LOXHD1: variants seen among roughly 807,000 people sequenced by gnomAD.
The protein encoded by LOXHD1 is lipoxygenase homology domain-containing protein 1.
Under a neutral mutation model 248.2 loss-of-function variants are expected in LOXHD1, and 205 were observed. The observed-to-expected ratio is 0.83, with a 90% CI of 0.74 to 0.93. The LOEUF (loss-of-function observed/expected upper bound fraction) is 0.93, where lower values mean the gene tolerates loss of function less well. LOXHD1 is among the 40% of genes least tolerant of loss of function. The pLI, the probability that LOXHD1 is intolerant of heterozygous loss-of-function variation, is 0.00. For synonymous variants in LOXHD1, 1,113 were observed against 1,162.8 expected (o/e 0.96, Z 0.87); for missense variants, 2,930 against 2,971.6 (o/e 0.99, Z 0.33).
In LOXHD1 at chr18:46,509,676, AGT is replaced by A; in HGVS notation, c.5517+20_5517+21del. ...GGGGTGGGTGGTGGCTGGAAGGAAG[AGT>A]GAGGGTCTAGACATTTTACCCTCTC... On this transcript the variant is annotated intron_variant, in intron 35 of 40. Coordinates refer to ENST00000642948, the MANE Select transcript of LOXHD1 (RefSeq NM_001384474.1). 1 of 1,505,092 alleles carries A rather than the reference AGT, an allele frequency of 6.6e-7. No individual in the cohort carries two copies. The highest frequency in any genetic ancestry group is 9.1e-7 in the Non-Finnish European group (1 of 1,104,588). The allele number at this position is 1,505,092 out of a possible 1,614,324, so 93.2% of individuals were successfully genotyped here. A position where few individuals can be genotyped will look rare whatever the true frequency, so the allele number is the denominator to read the frequency against.
At chr18:46,529,470 C>A in intron 28 of LOXHD1, 139 bp from the exon 29 acceptor site, 1 of 932,374 alleles carries the variant, frequency 1.1e-6, no homozygotes, top group Non-Finnish European at 1.5e-6. Context: ...CTTTTGTTTG[C>A]TCAATTATGC....
In LOXHD1 at chr18:46,560,418, G is replaced by A. The variant is rs974335083; in HGVS notation, c.2726C>T (p.Thr909Met). The A allele has an allele frequency of 1.0e-5, 16 of 1,547,938 alleles. No individual in the cohort carries two copies. Among genetic ancestry groups the A allele is most frequent in the South Asian group, 4.8e-5 (4 of 84,086 alleles). Reference protein sequence around the residue: ...RHLVVREVDLTPEEEARKKKE... With the variant: ...RHLVVREVDLMPEEEARKKKE... ...CTTCTTCCGGGCCTCCTCCTCCGGC[G>A]TGAGGTCCACCTCCCGCACCACCAG... The change falls in exon 19 of 41, where the codon ACG becomes ATG. Residue 909 changes from threonine (T) to methionine (M), a missense_variant. By Grantham distance (81) the Thr-to-Met change is moderately conservative. Coordinates refer to ENST00000642948, the MANE Select transcript of LOXHD1 (RefSeq NM_001384474.1).
chr18:46,482,785 T>C (rs909679347), intron 40 of LOXHD1, among the ~76,000 whole-genome samples: 1 of 152,136 alleles, frequency 6.6e-6, no homozygotes, highest in Non-Finnish European at 1.5e-5. Flanking sequence ...TAGGGTGTGG[T>C]ATGAGCAGGG....
At chr18:46,617,322 C>A (rs561884905) in intron 5 of LOXHD1, among the ~76,000 whole-genome samples, 4 of 152,142 alleles carry the variant, frequency 2.6e-5, no homozygotes, top group Non-Finnish European at 5.9e-5. Flanking sequence ...TCTGAACCAT[C>A]AGGGCTTCTG....
chr18:46,641,849 C>T, intron 3 of LOXHD1, 107 bp downstream of exon 3: 2 of 1,163,966 alleles, frequency 1.7e-6, no homozygotes. Context: ...TTGGTAGCCC[C>T]TCAAATAACA....
At chr18:46,648,243 G>A (rs1297691478) in intron 2 of LOXHD1, among the ~76,000 whole-genome samples, 3 of 152,136 alleles carry the variant, frequency 2.0e-5, no homozygotes, top group East Asian at 1.9e-4. Context: ...GGGCGACAGA[G>A]CGAGACTCCA....
intron 8 of LOXHD1, among the ~76,000 whole-genome samples, chr18:46,600,775 T>C (rs1264299768): frequency 6.6e-6 from 1 of 152,252 alleles, no homozygotes; most frequent in African/African-American, 2.4e-5. Flanking sequence ...ACGAATGTTC[T>C]ATTTCTCAAG....
At position 46,577,850 on chromosome 18, in the gene LOXHD1, G is replaced by C; in HGVS notation, c.1827C>G (p.Ile609Met). The C allele has an allele frequency of 6.4e-7, 1 of 1,551,628 alleles. No individual in the cohort carries two copies. Among genetic ancestry groups the C allele is most frequent in the South Asian group, 1.2e-5 (1 of 84,044 alleles). Residue 609 changes from isoleucine to methionine, a missense_variant, in exon 14 of 41, where the codon ATC (isoleucine) becomes ATG (methionine). Ile to Met is a conservative substitution (Grantham distance 10). Coordinates refer to ENST00000642948, the MANE Select transcript of LOXHD1 (RefSeq NM_001384474.1). Reference sequence around the variant, plus strand: ...TCACATTCCGCATGGTGACAGACTCGATAGTGAACTCGTCAGCCTTGTGGG... The same window carrying C: ...TCACATTCCGCATGGTGACAGACTCCATAGTGAACTCGTCAGCCTTGTGGG... ...FEKGNADEFT[I>M]ESVTMRNVRR... is the part of the protein sequence containing the mutation.
At chr18:46,516,243 A>C (rs1598894314) in intron 34 of LOXHD1, among the ~76,000 whole-genome samples, 1 of 152,244 alleles carries the variant, frequency 6.6e-6, no homozygotes. Flanking sequence ...AGACGATAAG[A>C]GTACAAAGAG....
Position 46,534,360 on chromosome 18 carries a change from A to T in LOXHD1, c.4187T>A (p.Ile1396Asn), listed in dbSNP as rs1261812906. The change falls in exon 27 of 41, where the codon ATC (isoleucine) becomes AAC (asparagine). Residue 1396 changes from isoleucine to asparagine, a missense_variant. Coordinates refer to ENST00000642948, the MANE Select transcript of LOXHD1 (RefSeq NM_001384474.1). ...NPGWHCSHVDIRRLLPDKDGA... is the reference protein window; with the variant it reads ...NPGWHCSHVDNRRLLPDKDGA... ...GTCTTTATCCGGGAGGAGCCTGCGG[A>T]TGTCCACGTGAGAGCAGTGCCACCC... 4 of 1,551,572 alleles carry T rather than the reference A, an allele frequency of 2.6e-6. No homozygotes were observed. Among genetic ancestry groups the T allele is most frequent in the Admixed American group, 2.0e-5 (1 of 51,002 alleles).
chr18:46,630,505 A>G (rs1176062143), intron 4 of LOXHD1, among the ~76,000 whole-genome samples: 2 of 152,150 alleles, frequency 1.3e-5, no homozygotes, highest in African/African-American at 4.8e-5. Flanking sequence ...CTCCTTCAAG[A>G]CCCAATATGA....
At chr18:46,565,027 C>T (rs186666377) in intron 17 of LOXHD1, among the ~76,000 whole-genome samples, 1 of 152,146 alleles carries the variant, frequency 6.6e-6, no homozygotes, top group African/African-American at 2.4e-5. Context: ...ACTTTGGGAG[C>T]CCAAGGCGGG....
chr18:46,629,537 T>C (rs983305227), intron 4 of LOXHD1, among the ~76,000 whole-genome samples: 2 of 152,038 alleles, frequency 1.3e-5, no homozygotes, highest in Non-Finnish European at 2.9e-5. Context: ...CCCTTTCTTA[T>C]CCCATTCTCC....
At chr18:46,496,491 G>T (rs1184068005) in intron 37 of LOXHD1, among the ~76,000 whole-genome samples, 8 of 152,068 alleles carry the variant, frequency 5.3e-5, no homozygotes, top group African/African-American at 1.7e-4. Context: ...ACGTGTCTAT[G>T]CAAGGGAAGC....
At chr18:46,558,079 G>A in intron 20 of LOXHD1, 2 of 985,782 alleles carry the variant, frequency 2.0e-6, no homozygotes, top group South Asian at 4.7e-5. Flanking sequence ...GGGCCTTCTT[G>A]GATATAACTT....
In LOXHD1 at chr18:46,529,329, C is replaced by T; in HGVS notation, c.4378G>A (p.Val1460Met). 1 of 1,536,924 alleles carries T rather than the reference C, an allele frequency of 6.5e-7. No homozygotes were observed. The highest frequency in any genetic ancestry group is 8.8e-7 in the Non-Finnish European group (1 of 1,136,268). The change falls in exon 29 of 41, where the codon GTG (valine) becomes ATG (methionine). Residue 1460 changes from valine to methionine, a missense_variant and splice_region_variant. Transcript: ENST00000642948. ...GTGAAGATCTGCACCGAGTACAGCA[C>T]AACTGGGCAGGTGGTGGGACAGACA... Reference protein sequence around the residue: ...YKEVEEPLDIVLYSVQIFTGN... With the variant: ...YKEVEEPLDIMLYSVQIFTGN...
chr18:46,611,518 G>A (rs1257854009), intron 5 of LOXHD1, among the ~76,000 whole-genome samples: 1 of 152,140 alleles, frequency 6.6e-6, no homozygotes, highest in Non-Finnish European at 1.5e-5. Context: ...CACTTAGTTA[G>A]GACTCAAATT....
At chr18:46,534,236 A>T in intron 27 of LOXHD1, 99 bp downstream of exon 27, 1 of 758,056 alleles carries the variant, frequency 1.3e-6, no homozygotes, top group East Asian at 2.7e-5. Flanking sequence ...TTATCTCAAT[A>T]AGGCTGATCT....
intron 19 of LOXHD1, 35 bp downstream of exon 19, chr18:46,560,048 T>TGCCAACCCCC: frequency 4.9e-6 from 6 of 1,226,290 alleles, no homozygotes; most frequent in Non-Finnish European, 6.8e-6. Flanking sequence ...GTCTGGCCAC[T>TGCCAACCCCC]CCCTCCCCAC....
Sources: allele counts gnomAD v4.1 joint callset (sites outside exome capture counted in the v4.1 genomes callset), GRCh38; gene constraint gnomAD v4.1.1; transcripts MANE v1.5; gene names NCBI Gene and HGNC (gene_info 2026-07-23, HGNC 2026-07-21).